ZNF428: variants seen among roughly 807,000 people sequenced by gnomAD.
ZNF428 encodes zinc finger protein 428, also known as enzyme-like protein PIT13.
Under a neutral mutation model 15.6 loss-of-function variants are expected in ZNF428, and 5 were observed. That is an observed-to-expected ratio of 0.32 (90% confidence interval 0.17 to 0.67). ZNF428 has a LOEUF of 0.67. ZNF428 is among the 30% of genes least tolerant of loss of function. The probability of loss-of-function intolerance (pLI) is 0.73; values close to 1 mark genes in which losing one functional copy is unlikely to be tolerated. For missense variants in ZNF428, 237 were observed against 256.0 expected (o/e 0.93, Z 0.51); for synonymous variants, 97 against 102.2 (o/e 0.95, Z 0.31).
In ZNF428 at chr19:43,608,042, C is replaced by T; in HGVS notation, c.142G>A (p.Glu48Lys). 6.2e-7 allele frequency: 1 copy of T among 1,613,944 alleles called. No homozygotes were observed. Among genetic ancestry groups the T allele is most frequent in the Non-Finnish European group, 8.5e-7 (1 of 1,180,010 alleles). ...GTGGTCTCCTCTTCCTCCTCCTCCT[C>T]ATCTTCTTCCTCTTCGGAGTCCGGC... ...SEPDSEEEED[E>K]EEEEEETTDD... Residue 48 changes from glutamate (E) to lysine (K), a missense_variant, in exon 3 of 3, where the codon GAG becomes AAG. Coordinates refer to ENST00000300811, the MANE Select transcript of ZNF428 (RefSeq NM_182498.4).
chr19:43,617,450 A>C (rs1270400533), intron 1 of ZNF428, among the ~76,000 whole-genome samples: 2 of 152,204 alleles, frequency 1.3e-5, no homozygotes, highest in Non-Finnish European at 2.9e-5. Flanking sequence ...CTGGGGACTA[A>C]AGAGAAAAGC....
intron 1 of ZNF428, 60 bp from the exon 2 acceptor site, chr19:43,614,494 C>T (rs1671445469): frequency 7.1e-7 from 1 of 1,401,622 alleles, no homozygotes; most frequent in South Asian, 1.6e-5. Flanking sequence ...TAGCACCCAT[C>T]CCCACCAAGC....
At chr19:43,613,897 T>A in intron 2 of ZNF428, 6 of 1,551,348 alleles carry the variant, frequency 3.9e-6, no homozygotes, top group Non-Finnish European at 5.2e-6. Context: ...AGGAGAGAGA[T>A]CACAGCCGAT....
At position 43,615,655 on chromosome 19, in the gene ZNF428, G is replaced by A. The variant is rs190889870; in HGVS notation, c.-130-1221C>T. 2.0e-3 allele frequency among the ~76,000 whole-genome samples: 301 copies of A among 152,162 alleles called. 3 individuals carry two copies. The highest frequency in any genetic ancestry group is 7.2e-4 in the Non-Finnish European group (49 of 68,000). On this transcript the variant is annotated intron_variant, in intron 1 of 2. Coordinates refer to ENST00000300811, the MANE Select transcript of ZNF428 (RefSeq NM_182498.4). ...TGGAAGGTCAAGGCTGCAGTGAGCC[G>A]TGACCTTGCCACTGCACTCAAGCCT...
chr19:43,608,336 C>T (rs1973261926), intron 2 of ZNF428, among the ~76,000 whole-genome samples: 1 of 152,200 alleles, frequency 6.6e-6, no homozygotes, highest in Non-Finnish European at 1.5e-5. Flanking sequence ...CCAAGAACTG[C>T]ATGGGACAGG....
intron 1 of ZNF428, among the ~76,000 whole-genome samples, chr19:43,618,974 T>A (rs1600090750): frequency 6.6e-6 from 1 of 151,904 alleles, no homozygotes; most frequent in Non-Finnish European, 1.5e-5. Context: ...CAAGTCCCAC[T>A]CCTACCACGC....
At position 43,607,517 on chromosome 19, in the gene ZNF428, C is replaced by T; in HGVS notation, c.*100G>A. 7.1e-7 allele frequency: 1 copy of T among 1,399,546 alleles called. No homozygotes were observed. Among genetic ancestry groups the T allele is most frequent in the Non-Finnish European group, 9.5e-7 (1 of 1,047,888 alleles). 86.7% of individuals were successfully genotyped at this position (1,399,546 alleles called of 1,614,324 possible). A position where few individuals can be genotyped will look rare whatever the true frequency, so the allele number is the denominator to read the frequency against. On this transcript the variant is annotated 3_prime_UTR_variant, in exon 3 of 3. Transcript: ENST00000300811. The surrounding 1 kb of genome is among the most constrained non-coding windows in gnomAD (Gnocchi z 5.1). ...CTACTTCTAAGACAACACAGACCGG[C>T]AGTACCCCATCCCCCATGACCACTG...
chr19:43,612,937 C>T lies in ZNF428; in HGVS notation c.76+1292G>A, dbSNP rs372081275. 6.4e-7 allele frequency: 1 copy of T among 1,551,650 alleles called. No homozygotes were observed. Among genetic ancestry groups the T allele is most frequent in the African/African-American group, 1.4e-5 (1 of 73,178 alleles). On this transcript the variant is annotated intron_variant, in intron 2 of 2. Transcript: ENST00000300811. This position sits in a 1 kb window ranked among gnomAD's most constrained non-coding sequence, Gnocchi z 4.2. The stretch of plus-strand genomic sequence containing the variant: ...GCAGGGTCAAGAGTTATAACCAGGC[C>T]AGCACCCGCAGCAGGCCGCAAAGTC...
intron 1 of ZNF428, among the ~76,000 whole-genome samples, chr19:43,615,382 C>T (rs1973361856): frequency 6.6e-6 from 1 of 152,062 alleles, no homozygotes; most frequent in African/African-American, 2.4e-5. Flanking sequence ...CAGGCGTGAG[C>T]CACCACACCC....
chr19:43,613,565 G>A (rs186680386), intron 2 of ZNF428: 1 of 1,551,558 alleles, frequency 6.4e-7, no homozygotes, highest in East Asian at 2.4e-5. Flanking sequence ...CCCCAGCAAG[G>A]AAAGAGATCA....
Position 43,615,927 on chromosome 19 carries a change from C to T in ZNF428, c.-130-1493G>A, listed in dbSNP as rs143105604. On this transcript the variant is annotated intron_variant, in intron 1 of 2. Transcript: ENST00000300811. ...CAAACCCAGTCCTCTTGGGTTTTTA[C>T]GGAGGCTTTAAGACAGCAGCATTGG... 2.0e-3 allele frequency among the ~76,000 whole-genome samples: 312 copies of T among 152,212 alleles called. 2 individuals carry two copies. The highest frequency in any genetic ancestry group is 3.4e-3 in the Non-Finnish European group (233 of 68,008).
At chr19:43,611,936 C>T (rs904360997) in intron 2 of ZNF428, 1 of 610,998 alleles carries the variant, frequency 1.6e-6, no homozygotes, top group Non-Finnish European at 2.9e-6. Flanking sequence ...TCTCCAGCCT[C>T]AGGCTGGGAC....
Position 43,614,072 on chromosome 19 carries a change from G to A in ZNF428, c.76+157C>T, listed in dbSNP as rs541374770. On this transcript the variant is annotated intron_variant, in intron 2 of 2. Transcript: ENST00000300811. ...TCAATCTACAGTCCCCAGAAGTCCCGACTGGAAGAGATCCCCTACTAGGAC... is the reference window on the plus strand; with the variant it reads ...TCAATCTACAGTCCCCAGAAGTCCCAACTGGAAGAGATCCCCTACTAGGAC... 2.6e-5 allele frequency: 40 copies of A among 1,557,894 alleles called. No individual in the cohort carries two copies. The highest frequency in any genetic ancestry group is 1.2e-4 in the African/African-American group (9 of 73,308).
intron 1 of ZNF428, among the ~76,000 whole-genome samples, chr19:43,619,180 T>A (rs978568334): frequency 1.3e-5 from 2 of 152,148 alleles, no homozygotes; most frequent in Admixed American, 6.5e-5. Flanking sequence ...TGGCAGTTCT[T>A]CCCAGGATGC....
intron 2 of ZNF428, chr19:43,611,961 C>T (rs1031590999): frequency 3.3e-5 from 21 of 633,192 alleles, no homozygotes; most frequent in Non-Finnish European, 5.9e-5. Context: ...CCCCTCTCTC[C>T]TCCCACCTCT....
intron 2 of ZNF428, among the ~76,000 whole-genome samples, chr19:43,610,122 GTCTCT>G (rs908282003): frequency 1.3e-5 from 2 of 151,778 alleles, no homozygotes; most frequent in African/African-American, 4.8e-5. Context: ...TCCATTCCAT[GTCTCT>G]TCTCAAGTGT....
At chr19:43,618,729 A>G (rs953527331) in intron 1 of ZNF428, among the ~76,000 whole-genome samples, 1 of 152,002 alleles carries the variant, frequency 6.6e-6, no homozygotes. Context: ...TCCATGTGAT[A>G]TTTGGGACAT....
chr19:43,608,082 T>C lies in ZNF428; in HGVS notation c.102A>G (p.Glu34=). 1 of 1,613,760 alleles carries C rather than the reference T, an allele frequency of 6.2e-7. No individual in the cohort carries two copies. Among genetic ancestry groups the C allele is most frequent in the Non-Finnish European group, 8.5e-7 (1 of 1,179,848 alleles). ...SPGPEHSSDS[E]YTLSEPDSEE... ...CGGAGTCCGGCTCTGAGAGAGTGTA[T>C]TCTGAATCAGAGGAATGCTCGGGGC... Residue 34 remains glutamate, a synonymous_variant, in exon 3 of 3, where the codon GAA becomes GAG. Transcript: ENST00000300811.
At chr19:43,616,181 TA>T (rs1973369947) in intron 1 of ZNF428, among the ~76,000 whole-genome samples, 1 of 152,182 alleles carries the variant, frequency 6.6e-6, no homozygotes, top group African/African-American at 2.4e-5. Context: ...TTTATATATA[TA>T]ATACCACAAG....
Sources: allele counts gnomAD v4.1 joint callset (sites outside exome capture counted in the v4.1 genomes callset), GRCh38; gene constraint gnomAD v4.1.1; non-coding constraint Gnocchi (gnomAD v3.1); transcripts MANE v1.5; gene names NCBI Gene and HGNC (gene_info 2026-07-23, HGNC 2026-07-21).